PPP1R12B: variants seen among roughly 807,000 people sequenced by gnomAD.
PPP1R12B encodes the protein myosin phosphatase target subunit 2.
A neutral mutation model predicts 126.1 loss-of-function variants in PPP1R12B; 76 were observed. The observed-to-expected ratio is 0.60, with a 90% CI of 0.50 to 0.73. The LOEUF is 0.73. Among genes scored for constraint, PPP1R12B ranks in the 30% least tolerant of loss-of-function variants. The pLI is 0.00. For missense variants in PPP1R12B, 1,052 were observed against 1,205.1 expected (o/e 0.87, Z 1.88); for synonymous variants, 356 against 434.7 (o/e 0.82, Z 2.25).
rs557124015 is a variant in PPP1R12B, at chr1:202,443,114, T to G, written c.1667+542T>G. 6.5e-5 allele frequency: 64 copies of G among 984,498 alleles called. No homozygotes were observed. The African/African-American group carries it at 1.1e-3, about 17-fold the overall frequency. 61.0% of individuals were successfully genotyped at this position (984,498 alleles called of 1,614,324 possible). A position where few individuals can be genotyped will look rare whatever the true frequency, so the allele number is the denominator to read the frequency against. Reference sequence around the variant, plus strand: ...CCATCAAGATGTGAAACTCGCAAGTTTGGTGCAGAGAAGGTACATGGGTTT... The same window carrying G: ...CCATCAAGATGTGAAACTCGCAAGTGTGGTGCAGAGAAGGTACATGGGTTT... On this transcript the variant is annotated intron_variant, in intron 12 of 23. Transcript: ENST00000608999.
At position 202,580,464 on chromosome 1, in the gene PPP1R12B, C is replaced by G. The variant is rs929782486; in HGVS notation, c.2863-10C>G. The G allele has an allele frequency of 2.5e-6, 4 of 1,610,082 alleles. No homozygotes were observed. Among genetic ancestry groups the G allele is most frequent in the Non-Finnish European group, 3.4e-6 (4 of 1,176,348 alleles). On this transcript the variant is annotated splice_polypyrimidine_tract_variant and intron_variant, in intron 23 of 23. Transcript: ENST00000608999. ...GGCTCTAACTCACCTTTCCCTCTGT[C>G]ACCCTACAGGTGTTAACAGAACTGA...
rs143292643 is a variant in PPP1R12B at position 202,362,653 on chromosome 1, G to GTTTTTTTTT, written c.291+13516_291+13517insTTTTTTTTT. On this transcript the variant is annotated intron_variant, in intron 1 of 23. Coordinates refer to ENST00000608999, the MANE Select transcript of PPP1R12B (RefSeq NM_002481.4). ...CATGACAGAATCAGCAAGGCCCAGG[G>GTTTTTTTTT]TTTTTGTTTTTTTTTTTTGTAATAA... 1.3e-4 allele frequency among the ~76,000 whole-genome samples: 19 copies of GTTTTTTTTT among 144,752 alleles called. 3 individuals carry two copies. Among genetic ancestry groups the GTTTTTTTTT allele is most frequent in the South Asian group, 2.2e-4 (1 of 4,610 alleles). The allele number at this position is 144,752 out of a possible 152,430, so 95.0% of individuals were successfully genotyped here.
intron 13 of PPP1R12B, among the ~76,000 whole-genome samples, chr1:202,481,550 A>AAT (rs1553301688): frequency 1.3e-5 from 2 of 151,846 alleles, no homozygotes; most frequent in Admixed American, 6.6e-5. Flanking sequence ...AATAAAAAAA[A>AAT]ATTGATGTTA....
intron 23 of PPP1R12B, chr1:202,576,439 T>C (rs1260570843): frequency 6.6e-6 from 1 of 152,254 alleles, no homozygotes; most frequent in Non-Finnish European, 1.5e-5. Flanking sequence ...TGGCAACTAA[T>C]ATCCACTAGA....
At chr1:202,388,496 A>G (rs1663544228) in intron 1 of PPP1R12B, among the ~76,000 whole-genome samples, 1 of 152,144 alleles carries the variant, frequency 6.6e-6, no homozygotes, top group Non-Finnish European at 1.5e-5. Flanking sequence ...GTGAGCCACC[A>G]CGCCCAGCCT....
Position 202,588,824 on chromosome 1 carries a change from A to AAGATAGATAGATAGT in PPP1R12B, c.*8278_*8279insTAGATAGATAGATAG, listed in dbSNP as rs1689975734. 1 of 144,124 alleles carries AAGATAGATAGATAGT rather than the reference A, an allele frequency of 6.9e-6. No homozygotes were observed. The highest frequency in any genetic ancestry group is 1.5e-5 in the Non-Finnish European group (1 of 66,306). 8.9% of individuals were successfully genotyped at this position (144,124 alleles called of 1,614,324 possible). A position where few individuals can be genotyped will look rare whatever the true frequency, so the allele number is the denominator to read the frequency against. ...CTAGATTGGCGTTCAAAAGAACCGT[A>AAGATAGATAGATAGT]AGATAGATAGATAGATAGATAGATA... is the stretch of plus-strand genomic sequence containing the variant. On this transcript the variant is annotated 3_prime_UTR_variant, in exon 24 of 24. Transcript: ENST00000608999.
chr1:202,401,567 CAA>C (rs2148563001), intron 1 of PPP1R12B, among the ~76,000 whole-genome samples: 1 of 151,942 alleles, frequency 6.6e-6, no homozygotes, highest in Non-Finnish European at 1.5e-5. Context: ...TTAATTAACA[CAA>C]AGAATAGCAT....
At chr1:202,567,606 G>A (rs1215007665) in intron 21 of PPP1R12B, 172 bp from the exon 22 acceptor site, 1 of 635,390 alleles carries the variant, frequency 1.6e-6, no homozygotes, top group African/African-American at 1.8e-5. Flanking sequence ...AGGTGATAAT[G>A]TTAGGCTTAG....
intron 1 of PPP1R12B, among the ~76,000 whole-genome samples, chr1:202,415,545 C>T (rs1667953886): frequency 6.6e-6 from 1 of 152,130 alleles, no homozygotes; most frequent in Admixed American, 6.5e-5. Flanking sequence ...ACCATCCAAG[C>T]CTTGGTAATG....
At chr1:202,541,652 G>A (rs953839080) in intron 18 of PPP1R12B, among the ~76,000 whole-genome samples, 1 of 152,110 alleles carries the variant, frequency 6.6e-6, no homozygotes, top group African/African-American at 2.4e-5. Context: ...CCTTATTAAT[G>A]TCTCTTCACC....
chr1:202,438,377 T>G, intron 10 of PPP1R12B: 5 of 724,262 alleles, frequency 6.9e-6, no homozygotes, highest in Non-Finnish European at 6.5e-6. Context: ...AGAGGGCCAA[T>G]TCCCGTCCCC....
rs774351979 is a variant in PPP1R12B at position 202,473,953 on chromosome 1, T to A, written c.1851-14580T>A. On this transcript the variant is annotated intron_variant, in intron 13 of 23. Coordinates refer to ENST00000608999, the MANE Select transcript of PPP1R12B (RefSeq NM_002481.4). ...TGCTATGCAGGCCTGCTCGAGGAGG[T>A]AACAGCCTGTTTTCTTGGAGCGCTC... 7.5e-6 allele frequency: 4 copies of A among 532,542 alleles called. No individual in the cohort carries two copies. In the Admixed American group the frequency reaches 7.8e-5, roughly 10 times the overall value. 33.0% of individuals were successfully genotyped at this position (532,542 alleles called of 1,614,324 possible).
chr1:202,442,184 TC>T (rs553670487), intron 11 of PPP1R12B, among the ~76,000 whole-genome samples: 98 of 152,308 alleles, frequency 6.4e-4, no homozygotes, highest in African/African-American at 2.2e-3. Context: ...AAAAGTGACT[TC>T]TTATTACAAA....
intron 13 of PPP1R12B, among the ~76,000 whole-genome samples, chr1:202,454,736 C>T (rs1032200727): frequency 1.2e-4 from 19 of 152,126 alleles, no homozygotes; most frequent in African/African-American, 4.3e-4. Context: ...GAGCTCAAGA[C>T]CAGCCTGGGC....
chr1:202,525,054 T>A (rs1378701094), intron 18 of PPP1R12B, among the ~76,000 whole-genome samples: 5 of 152,040 alleles, frequency 3.3e-5, no homozygotes, highest in African/African-American at 1.2e-4. Flanking sequence ...AATTTTTGTA[T>A]TTTTAGTGGA....
chr1:202,544,881 T>C (rs1685494232), intron 18 of PPP1R12B, among the ~76,000 whole-genome samples: 1 of 152,246 alleles, frequency 6.6e-6, no homozygotes, highest in African/African-American at 2.4e-5. Flanking sequence ...ATTGTTGCCT[T>C]CATGAGAGCT....
At chr1:202,437,734 C>T in intron 9 of PPP1R12B, 87 bp from the exon 10 acceptor site, 1 of 1,226,858 alleles carries the variant, frequency 8.2e-7, no homozygotes, top group Non-Finnish European at 1.1e-6. Flanking sequence ...CCTCGCTGAA[C>T]TTAGTTAAGT....
intron 23 of PPP1R12B, chr1:202,575,447 A>G: frequency 9.4e-6 from 3 of 320,494 alleles, no homozygotes; most frequent in Non-Finnish European, 1.2e-5. Flanking sequence ...TCAGCTACAC[A>G]TAGGTATACA....
chr1:202,491,081 G>A (rs1461912598), intron 14 of PPP1R12B, among the ~76,000 whole-genome samples: 2 of 152,116 alleles, frequency 1.3e-5, no homozygotes, highest in Non-Finnish European at 2.9e-5. Flanking sequence ...CCCATCAGCA[G>A]TGCACAAGGG....
Sources: allele counts gnomAD v4.1 joint callset (sites outside exome capture counted in the v4.1 genomes callset), GRCh38; gene constraint gnomAD v4.1.1; transcripts MANE v1.5; gene names NCBI Gene and HGNC (gene_info 2026-07-23, HGNC 2026-07-21).